SCFD2: variants seen among roughly 807,000 people sequenced by gnomAD.
The protein encoded by SCFD2 is sec1 family domain containing 2.
In SCFD2, 54 loss-of-function variants were observed where a neutral mutation model predicts 58.9. The observed-to-expected ratio is 0.92, with a 90% confidence interval of 0.74 to 1.15. The LOEUF is 1.15. Ranked by LOEUF, SCFD2 falls within the 50% of genes most tolerant of loss-of-function variation. The pLI, the probability that SCFD2 is intolerant of heterozygous loss-of-function variation, is 0.00. For synonymous variants in SCFD2, 321 were observed against 335.9 expected (o/e 0.96, Z 0.49); for missense variants, 805 against 836.6 (o/e 0.96, Z 0.47).
At chr4:53,348,363 A>G (rs1409390685) in intron 2 of SCFD2, among the ~76,000 whole-genome samples, 1 of 152,160 alleles carries the variant, frequency 6.6e-6, no homozygotes, top group Non-Finnish European at 1.5e-5. Context: ...TAACATTTTT[A>G]TCCTTACTCT....
chr4:52,971,086 C>A (rs111349926), intron 5 of SCFD2, among the ~76,000 whole-genome samples: 2 of 152,174 alleles, frequency 1.3e-5, no homozygotes, highest in Non-Finnish European at 2.9e-5. Flanking sequence ...GCAGAAAAAC[C>A]AGAAACTCGA....
chr4:53,072,721 T>C (rs1016063059), intron 5 of SCFD2, among the ~76,000 whole-genome samples: 1 of 152,110 alleles, frequency 6.6e-6, no homozygotes, highest in Non-Finnish European at 1.5e-5. Context: ...CAACCTCATC[T>C]GTAAAACTCA....
intron 6 of SCFD2, among the ~76,000 whole-genome samples, chr4:52,913,667 G>C (rs182264786): frequency 6.6e-6 from 1 of 152,136 alleles, no homozygotes; most frequent in Non-Finnish European, 1.5e-5. Flanking sequence ...ACCCTGCACC[G>C]CCTGGTGCCT....
intron 3 of SCFD2, among the ~76,000 whole-genome samples, chr4:53,290,698 T>C (rs1308229301): frequency 6.6e-6 from 1 of 151,512 alleles, no homozygotes; most frequent in Non-Finnish European, 1.5e-5. Context: ...AGTTGACAAA[T>C]GCCTAGCTAG....
chr4:53,307,873 T>C (rs1479144999), intron 3 of SCFD2, among the ~76,000 whole-genome samples: 3 of 151,948 alleles, frequency 2.0e-5, no homozygotes, highest in African/African-American at 7.3e-5. Flanking sequence ...GTTGGCAAGA[T>C]ACTCACAAGC....
At chr4:53,106,310 T>C (rs1225565137) in intron 5 of SCFD2, among the ~76,000 whole-genome samples, 2 of 152,198 alleles carry the variant, frequency 1.3e-5, no homozygotes, top group Non-Finnish European at 2.9e-5. Context: ...AGGACACCTC[T>C]TCTCCTCCAA....
chr4:53,278,142 G>A (rs1323190158), intron 3 of SCFD2, among the ~76,000 whole-genome samples: 1 of 151,998 alleles, frequency 6.6e-6, no homozygotes, highest in Non-Finnish European at 1.5e-5. Context: ...CGAGGTGGGT[G>A]GATCACTCGA....
At chr4:53,301,448 G>A (rs1234886197) in intron 3 of SCFD2, among the ~76,000 whole-genome samples, 2 of 151,732 alleles carry the variant, frequency 1.3e-5, no homozygotes, top group Non-Finnish European at 2.9e-5. Flanking sequence ...TGAAATTGAG[G>A]CAATAATTAA....
In SCFD2 at chr4:53,313,624, GTT is replaced by G. The variant is rs944929051; in HGVS notation, c.1135+10_1135+11del. 6.2e-6 allele frequency: 10 copies of G among 1,613,750 alleles called. No homozygotes were observed. The highest frequency in any genetic ancestry group is 6.8e-6 in the Non-Finnish European group (8 of 1,179,778). On this transcript the variant is annotated intron_variant, in intron 3 of 8. Coordinates refer to ENST00000401642, the MANE Select transcript of SCFD2 (RefSeq NM_152540.4). ...TCCTCAGAGGCTGCCTGTGTCCTAG[GTT>G]TAGGCTTACCCATACTCATCTTGAT...
intron 5 of SCFD2, among the ~76,000 whole-genome samples, chr4:52,959,022 A>G (rs1720779438): frequency 6.6e-6 from 1 of 152,202 alleles, no homozygotes; most frequent in Non-Finnish European, 1.5e-5. Context: ...TTAAGAAACT[A>G]AGGCTTAGAG....
intron 4 of SCFD2, among the ~76,000 whole-genome samples, chr4:53,238,417 T>C (rs1577880614): frequency 8.7e-6 from 1 of 115,534 alleles, no homozygotes; most frequent in Non-Finnish European, 1.8e-5. Flanking sequence ...CCCCCCTACC[T>C]CCCTCCCGGA....
intron 7 of SCFD2, among the ~76,000 whole-genome samples, chr4:52,904,176 A>G (rs1347946318): frequency 6.6e-6 from 1 of 152,104 alleles, no homozygotes; most frequent in African/African-American, 2.4e-5. Context: ...TCATCACGAA[A>G]CCATCTATGA....
At chr4:53,166,582 C>G (rs1365396004) in intron 4 of SCFD2, among the ~76,000 whole-genome samples, 1 of 151,974 alleles carries the variant, frequency 6.6e-6, no homozygotes, top group Non-Finnish European at 1.5e-5. Flanking sequence ...CAAACATAAA[C>G]CGATTCTCTA....
At chr4:52,997,290 C>G (rs184956277) in intron 5 of SCFD2, among the ~76,000 whole-genome samples, 153 of 152,340 alleles carry the variant, frequency 1.0e-3, no homozygotes, top group African/African-American at 3.5e-3. Context: ...TCCTCCCACT[C>G]AAGCCCCAAA....
chr4:52,930,321 A>C (rs553190579), intron 5 of SCFD2, among the ~76,000 whole-genome samples: 5 of 152,178 alleles, frequency 3.3e-5, no homozygotes, highest in Non-Finnish European at 7.3e-5. Context: ...GAAAATTGAA[A>C]CTGGAACCCT....
At chr4:52,915,863 A>C (rs558042950) in intron 6 of SCFD2, among the ~76,000 whole-genome samples, 2 of 152,340 alleles carry the variant, frequency 1.3e-5, no homozygotes, top group South Asian at 4.1e-4. Context: ...TAGCACTTGG[A>C]AAAGAACAAC....
chr4:53,074,448 T>C (rs1362921976), intron 5 of SCFD2, among the ~76,000 whole-genome samples: 2 of 152,184 alleles, frequency 1.3e-5, no homozygotes, highest in Non-Finnish European at 2.9e-5. Context: ...GAATCACAAA[T>C]GTTCTTAATG....
At chr4:53,351,836 T>C (rs1734229468) in intron 2 of SCFD2, among the ~76,000 whole-genome samples, 1 of 152,204 alleles carries the variant, frequency 6.6e-6, no homozygotes, top group Non-Finnish European at 1.5e-5. Flanking sequence ...TTAATAAATA[T>C]GGGAGGAAAT....
intron 4 of SCFD2, among the ~76,000 whole-genome samples, chr4:53,171,959 A>T (rs1395420009): frequency 8.0e-6 from 1 of 125,310 alleles, no homozygotes; most frequent in Admixed American, 7.7e-5. Context: ...TGATTTGATT[A>T]TTTATTTATT....
Sources: gnomAD v4.1 joint callset for allele counts (sites outside exome capture counted in the v4.1 genomes callset) on GRCh38, gnomAD v4.1.1 for gene constraint, MANE v1.5 for transcripts, NCBI Gene and HGNC (gene_info 2026-07-23, HGNC 2026-07-21) for gene names.